PITPNM1: variants seen among roughly 807,000 people sequenced by gnomAD.
PITPNM1 encodes phosphatidylinositol transfer protein membrane associated 1, also known as membrane-associated phosphatidylinositol transfer protein 1.
PITPNM1 carries 74 observed loss-of-function variants against 133.3 expected under a neutral mutation model. The observed-to-expected ratio is 0.56, with a 90% CI of 0.46 to 0.67. The LOEUF is 0.67. Among genes scored for constraint, PITPNM1 ranks in the 30% least tolerant of loss-of-function variants. PITPNM1 has a pLI of 0.00. For missense variants in PITPNM1, 1,398 were observed against 1,739.5 expected (o/e 0.80, Z 3.49); for synonymous variants, 738 against 741.4 (o/e 1.00, Z 0.08).
rs1239785317 is a variant in PITPNM1, at chr11:67,498,299, C to T, written c.1508G>A (p.Gly503Glu). Residue 503 changes from glycine to glutamate, a missense_variant, in exon 11 of 24, where the codon GGG (glycine) becomes GAG (glutamate). Coordinates refer to ENST00000356404, the MANE Select transcript of PITPNM1 (RefSeq NM_004910.3). The surrounding 1 kb of genome is among the most constrained non-coding windows in gnomAD (Gnocchi z 5.7). ...VSNLSPYSHDGDSLSRSQDHI... is the reference protein window; with the variant it reads ...VSNLSPYSHDEDSLSRSQDHI... ...GTCTTGGGAGCGAGACAGGCTGTCC[C>T]CATCGTGGCTGTAAGGGCTCAGGCT... is the stretch of plus-strand genomic sequence containing the variant. 6.3e-7 allele frequency: 1 copy of T among 1,591,496 alleles called. No homozygotes were observed. The highest frequency in any genetic ancestry group is 8.6e-7 in the Non-Finnish European group (1 of 1,167,480).
At position 67,493,983 on chromosome 11, in the gene PITPNM1, A is replaced by G; in HGVS notation, c.2947T>C (p.Phe983Leu). ...AGCGCGCGTTCTGGGGGAACTGGGA[A>G]GGTGAGGCGGCCCGAGCTATTGGTG... ...EVTNSSGRLT[F>L]PVPPERALGI... Residue 983 changes from phenylalanine (F) to leucine (L), a missense_variant, in exon 20 of 24, where the codon TTC becomes CTC. Around this residue, in one of 5 missense-constraint regions of PITPNM1, gnomAD observed 233 missense variants for 378.0 expected, o/e 0.62. Coordinates refer to ENST00000356404, the MANE Select transcript of PITPNM1 (RefSeq NM_004910.3). 6.2e-7 allele frequency: 1 copy of G among 1,611,950 alleles called. No individual in the cohort carries two copies. Among genetic ancestry groups the G allele is most frequent in the Non-Finnish European group, 8.5e-7 (1 of 1,179,568 alleles).
Position 67,500,371 on chromosome 11 carries a change from C to T in PITPNM1, c.691G>A (p.Asp231Asn), listed in dbSNP as rs1866287635. ...GCCATGCTCAGCTCTGTCCACTCAT[C>T]CTGCCAGCACCAGGCCTGGCGGTGG... Reference protein sequence around the residue: ...RAHRQAWCWQDEWTELSMADI... With the variant: ...RAHRQAWCWQNEWTELSMADI... The change falls in exon 6 of 24, where the codon GAT becomes AAT. Residue 231 changes from aspartate to asparagine, a missense_variant. By Grantham distance (23) the Asp-to-Asn change is conservative. This residue lies in a region of PITPNM1 where 274 missense variants were observed against 360.7 expected (regional missense o/e 0.76). Coordinates refer to ENST00000356404, the MANE Select transcript of PITPNM1 (RefSeq NM_004910.3). The T allele has an allele frequency of 6.2e-7, 1 of 1,611,946 alleles. No individual in the cohort carries two copies. Among genetic ancestry groups the T allele is most frequent in the Non-Finnish European group, 8.5e-7 (1 of 1,179,928 alleles).
chr11:67,503,430 G>A (rs563083478), intron 2 of PITPNM1, among the ~76,000 whole-genome samples: 6 of 152,244 alleles, frequency 3.9e-5, no homozygotes, highest in Non-Finnish European at 7.4e-5. Flanking sequence ...GGCCCTGGCC[G>A]CCTCCCAATC....
Position 67,501,928 on chromosome 11 carries a change from G to A in PITPNM1, c.574C>T (p.Leu192=), listed in dbSNP as rs1591065314. The A allele has an allele frequency of 6.2e-7, 1 of 1,613,614 alleles. No homozygotes were observed. Among genetic ancestry groups the A allele is most frequent in the Non-Finnish European group, 8.5e-7 (1 of 1,180,024 alleles). The stretch of plus-strand genomic sequence containing the variant: ...CAGTAGCGGAACTCAACCTTGCACA[G>A]CTTATAGGCACACATAAGGGGCCCC... ...QTGPLMCAYK[L]CKVEFRYWGM... is the part of the protein sequence containing the mutation. Residue 192 remains leucine (L), a synonymous_variant, in exon 5 of 24, where the codon CTG becomes TTG. Transcript: ENST00000356404.
chr11:67,499,711 C>T lies in PITPNM1; in HGVS notation c.1171+12G>A, dbSNP rs766058979. On this transcript the variant is annotated intron_variant, in intron 8 of 23. Transcript: ENST00000356404. ...GGGTGCTGGGGGCCGGTGTCCTAGG[C>T]GGTATCTTTACCTGGCGTTCCCTCT... 19 of 1,441,618 alleles carry T rather than the reference C, an allele frequency of 1.3e-5. No individual in the cohort carries two copies. The highest frequency in any genetic ancestry group is 1.8e-4 in the Middle Eastern group (1 of 5,484). 89.3% of individuals were successfully genotyped at this position (1,441,618 alleles called of 1,614,324 possible). A position where few individuals can be genotyped will look rare whatever the true frequency, so the allele number is the denominator to read the frequency against.
intron 14 of PITPNM1, 101 bp from the exon 15 acceptor site, chr11:67,496,449 C>A: frequency 9.1e-7 from 1 of 1,097,590 alleles, no homozygotes; most frequent in Non-Finnish European, 1.3e-6. Context: ...TCTGGTGTGA[C>A]CCCGAGCCAG....
upstream of PITPNM1, among the ~76,000 whole-genome samples, chr11:67,505,684 C>T (rs1011924189): frequency 4.6e-5 from 7 of 152,324 alleles, no homozygotes; most frequent in African/African-American, 1.7e-4. This position sits in a 1 kb window ranked among gnomAD's most constrained non-coding sequence, Gnocchi z 5.8. Flanking sequence ...TTCTCACTCT[C>T]TGCAGTCCTT....
chr11:67,499,487 G>T (rs953188230), intron 8 of PITPNM1, among the ~76,000 whole-genome samples: 1 of 148,520 alleles, frequency 6.7e-6, no homozygotes, highest in Non-Finnish European at 1.5e-5. Flanking sequence ...AGCATTCAGG[G>T]AGTCCAAATT....
Position 67,500,108 on chromosome 11 carries a change from T to C in PITPNM1, c.954A>G (p.Ser318=), listed in dbSNP as rs376687869. The part of the protein sequence containing the change: ...QWSSSSRSSY[S]SQHGGAVSPQ... ...CCCCAGCCTCACCTCCATGTTGGGA[T>C]GAGTAGGAGGAACGGGAGGATGAGG... Residue 318 remains serine (S), a synonymous_variant, in exon 6 of 24, where the codon TCA becomes TCG. Transcript: ENST00000356404. 7 of 1,594,304 alleles carry C rather than the reference T, an allele frequency of 4.4e-6. No individual in the cohort carries two copies. The African/African-American group carries it at 8.1e-5, about 18-fold the overall frequency.
chr11:67,498,672 C>T lies in PITPNM1; in HGVS notation c.1408G>A (p.Glu470Lys). ...FEAVTRIHFPEALGHVALRLV... is the reference protein window; with the variant it reads ...FEAVTRIHFPKALGHVALRLV... ...CGCAGCGCCACGTGGCCCAAGGCCT[C>T]AGGGAAGTGGATGCGGGTGACGGCC... Residue 470 changes from glutamate to lysine, a missense_variant, in exon 10 of 24, where the codon GAG (glutamate) becomes AAG (lysine). Around this residue, in one of 5 missense-constraint regions of PITPNM1, gnomAD observed 574 missense variants for 698.7 expected, o/e 0.82. Coordinates refer to ENST00000356404, the MANE Select transcript of PITPNM1 (RefSeq NM_004910.3). The surrounding 1 kb of genome is among the most constrained non-coding windows in gnomAD (Gnocchi z 5.7). 1 of 1,602,388 alleles carries T rather than the reference C, an allele frequency of 6.2e-7. No homozygotes were observed.
At chr11:67,495,377 C>A (rs1409524954) in intron 16 of PITPNM1, 61 bp downstream of exon 16, 13 of 1,457,206 alleles carry the variant, frequency 8.9e-6, no homozygotes, top group Non-Finnish European at 9.1e-7. Context: ...AGCTGGGCTT[C>A]GGAGGTGGAA....
chr11:67,495,093 G>A lies in PITPNM1; in HGVS notation c.2615C>T (p.Ala872Val), dbSNP rs1208154357. The A allele has an allele frequency of 1.2e-6, 2 of 1,612,620 alleles. No homozygotes were observed. The highest frequency in any genetic ancestry group is 1.7e-6 in the Non-Finnish European group (2 of 1,179,878). The stretch of plus-strand genomic sequence containing the variant: ...CAGGCCCACCTGGCGCAGGATGAAC[G>A]CCACCACGTCGGCGGACTCCCAGTA... ...ASYWESADVV[A>V]FILRQVIEKE... The change falls in exon 17 of 24, where the codon GCG (alanine) becomes GTG (valine). Residue 872 changes from alanine to valine, a missense_variant. This residue lies in a region of PITPNM1 where 574 missense variants were observed against 698.7 expected (regional missense o/e 0.82). Coordinates refer to ENST00000356404, the MANE Select transcript of PITPNM1 (RefSeq NM_004910.3).
Position 67,492,109 on chromosome 11 carries a change from C to T in PITPNM1, c.3659G>A (p.Gly1220Asp). The T allele has an allele frequency of 6.2e-7, 1 of 1,612,196 alleles. No homozygotes were observed. The highest frequency in any genetic ancestry group is 1.1e-5 in the South Asian group (1 of 91,082). ...CAGGGTGGTGGGTGGTGTTCCCGGG[C>T]CCTCACGCTCCGCCTGGCTGGGGCC... ...SRGPSQAERE[G>D]PGTPPTTLAR... The change falls in exon 24 of 24, where the codon GGC (glycine) becomes GAC (aspartate). Residue 1220 changes from glycine to aspartate, a missense_variant. Around this residue, in one of 5 missense-constraint regions of PITPNM1, gnomAD observed 122 missense variants for 123.3 expected, o/e 0.99. Transcript: ENST00000356404.
chr11:67,504,353 T>A lies in PITPNM1; in HGVS notation c.-41-132A>T. ...GCCACGAGGGAGGCAGAGGCGAGCC[T>A]AGCACCGCCGCCCGCGCCGCCGGGG... On this transcript the variant is annotated intron_variant, in intron 1 of 23. Transcript: ENST00000356404. The surrounding 1 kb of genome is among the most constrained non-coding windows in gnomAD (Gnocchi z 5.4). The A allele has an allele frequency of 3.4e-6, 1 of 298,488 alleles. No homozygotes were observed. 18.5% of individuals were successfully genotyped at this position (298,488 alleles called of 1,614,324 possible). A position where few individuals can be genotyped will look rare whatever the true frequency, so the allele number is the denominator to read the frequency against.
rs747425588 is a variant in PITPNM1, at chr11:67,500,015, G to A, written c.968-6C>T. 6.2e-6 allele frequency: 10 copies of A among 1,611,572 alleles called. No individual in the cohort carries two copies. Among genetic ancestry groups the A allele is most frequent in the South Asian group, 2.2e-5 (2 of 91,068 alleles). ...GCTCTGGGGAGACACAGCCCCTGCC[G>A]GGCCAGCTCAGCCTCAGCCTCAGCC... On this transcript the variant is annotated splice_polypyrimidine_tract_variant and splice_region_variant and intron_variant, in intron 6 of 23. Transcript: ENST00000356404.
chr11:67,498,330 A>T lies in PITPNM1; in HGVS notation c.1485-8T>A, dbSNP rs374805602. 2.1e-5 allele frequency: 33 copies of T among 1,555,664 alleles called. No individual in the cohort carries two copies. The highest frequency in any genetic ancestry group is 2.8e-5 in the Non-Finnish European group (32 of 1,149,886). ...TGGCTGTAAGGGCTCAGGCTGTAGG[A>T]GGGGGAAATGTGCGTGGGTGAGGGG... On this transcript the variant is annotated splice_region_variant and splice_polypyrimidine_tract_variant and intron_variant, in intron 10 of 23. Transcript: ENST00000356404. The surrounding 1 kb of genome is among the most constrained non-coding windows in gnomAD (Gnocchi z 5.7).
In PITPNM1 at chr11:67,501,361, G is replaced by A. The variant is rs1866316714; in HGVS notation, c.640+501C>T. Among the ~76,000 whole-genome samples, 2 of 152,246 alleles carry A rather than the reference G, an allele frequency of 1.3e-5. 1 individual carries two copies. The highest frequency in any genetic ancestry group is 1.3e-4 in the Admixed American group (2 of 15,290). On this transcript the variant is annotated intron_variant, in intron 5 of 23. Coordinates refer to ENST00000356404, the MANE Select transcript of PITPNM1 (RefSeq NM_004910.3). ...ATCCCTCTGTGTGCAGATGACCTGG[G>A]CACTGAGGCAGGGCTGAATTGTAGG... is the stretch of plus-strand genomic sequence containing the variant.
At position 67,502,313 on chromosome 11, in the gene PITPNM1, C is replaced by T. The variant is rs1269812940; in HGVS notation, c.394G>A (p.Glu132Lys). The T allele has an allele frequency of 3.7e-6, 6 of 1,613,266 alleles. No individual in the cohort carries two copies. The highest frequency in any genetic ancestry group is 5.1e-6 in the Non-Finnish European group (6 of 1,180,016). The change falls in exon 4 of 24, where the codon GAG (glutamate) becomes AAG (lysine). Residue 132 changes from glutamate (E) to lysine (K), a missense_variant. Glu to Lys is a moderately conservative substitution (Grantham distance 56). Coordinates refer to ENST00000356404, the MANE Select transcript of PITPNM1 (RefSeq NM_004910.3). This position sits in a 1 kb window ranked among gnomAD's most constrained non-coding sequence, Gnocchi z 5.9. ...TCACCCAGGATGCGCTGTCTCCTCT[C>T]GGCCCCGCTCAGGTTGAAGACGTTT... is the stretch of plus-strand genomic sequence containing the variant. The part of the protein sequence containing the change: ...QPNVFNLSGA[E>K]RRQRILDTID...
chr11:67,493,042 G>A lies in PITPNM1; in HGVS notation c.3363C>T (p.Ala1121=), dbSNP rs777152377. The part of the protein sequence containing the change: ...LVQEVELNIV[A]GYGSPKDVAV... The stretch of plus-strand genomic sequence containing the variant: ...CCACATCTTTGGGAGACCCATAACC[G>A]GCCACGATGTTCAGTTCTACCTGTG... Residue 1121 remains alanine, a synonymous_variant, in exon 23 of 24, where the codon GCC becomes GCT. Coordinates refer to ENST00000356404, the MANE Select transcript of PITPNM1 (RefSeq NM_004910.3). 6.2e-6 allele frequency: 10 copies of A among 1,612,912 alleles called. No homozygotes were observed. Among genetic ancestry groups the A allele is most frequent in the Admixed American group, 3.3e-5 (2 of 60,000 alleles).
Sources: allele counts gnomAD v4.1 joint callset (sites outside exome capture counted in the v4.1 genomes callset), GRCh38; gene constraint gnomAD v4.1.1; regional missense constraint gnomAD v4.1.1; non-coding constraint Gnocchi (gnomAD v3.1); transcripts MANE v1.5; gene names NCBI Gene and HGNC (gene_info 2026-07-23, HGNC 2026-07-21).